The following GRAMD1C variants were observed in gnomAD, a reference collection of about 807,000 sequenced individuals.
The protein encoded by GRAMD1C is GRAM domain containing 1C, also known as protein Aster-C.
GRAMD1C carries 89 observed loss-of-function variants against 97.8 expected under a neutral mutation model. That is an observed-to-expected ratio of 0.91 (90% CI 0.77 to 1.09). The LOEUF is 1.09. GRAMD1C is among the 50% of genes least tolerant of loss of function. The pLI, the probability that GRAMD1C is intolerant of heterozygous loss-of-function variation, is 0.00. For synonymous variants in GRAMD1C, 256 were observed against 267.0 expected (o/e 0.96, Z 0.40); for missense variants, 740 against 766.4 (o/e 0.97, Z 0.41).
Position 113,838,902 on chromosome 3 carries a change from G to A in GRAMD1C, c.-8G>A. The A allele has an allele frequency of 8.1e-7, 1 of 1,232,090 alleles. No homozygotes were observed. The highest frequency in any genetic ancestry group is 4.1e-5 in the South Asian group (1 of 24,356). The allele number at this position is 1,232,090 out of a possible 1,614,324, so 76.3% of individuals were successfully genotyped here. ...CGGGGCGGTGCCGCGGCGGCGGAGGGAGCCGCGATGGAGGGCGCTCCGACT... is the reference window on the plus strand; with the variant it reads ...CGGGGCGGTGCCGCGGCGGCGGAGGAAGCCGCGATGGAGGGCGCTCCGACT... On this transcript the variant is annotated 5_prime_UTR_variant, in exon 1 of 18. Coordinates refer to ENST00000358160, the MANE Select transcript of GRAMD1C (RefSeq NM_017577.5).
intron 9 of GRAMD1C, among the ~76,000 whole-genome samples, chr3:113,909,932 A>G (rs1936506867): frequency 6.6e-6 from 1 of 152,228 alleles, no homozygotes; most frequent in Non-Finnish European, 1.5e-5. Context: ...AAGAGCATGG[A>G]AAGTTCATCA....
chr3:113,939,352 T>C (rs1273869556), intron 15 of GRAMD1C: 1 of 151,774 alleles, frequency 6.6e-6, no homozygotes, highest in Non-Finnish European at 1.5e-5. Context: ...TGATACTTCC[T>C]TTGTGCAAGA....
At chr3:113,862,251 G>A (rs1432599829) in intron 2 of GRAMD1C, among the ~76,000 whole-genome samples, 1 of 152,168 alleles carries the variant, frequency 6.6e-6, no homozygotes, top group Non-Finnish European at 1.5e-5. Context: ...AAGCCTAGGA[G>A]TGCCACGGGA....
At chr3:113,922,457 G>C (rs1039316301) in intron 10 of GRAMD1C, among the ~76,000 whole-genome samples, 1 of 152,164 alleles carries the variant, frequency 6.6e-6, no homozygotes, top group African/African-American at 2.4e-5. Context: ...TTTATATATG[G>C]TGTAAGGAAG....
At chr3:113,928,460 A>G (rs1221955565) in intron 10 of GRAMD1C, among the ~76,000 whole-genome samples, 1 of 152,248 alleles carries the variant, frequency 6.6e-6, no homozygotes, top group Non-Finnish European at 1.5e-5. Context: ...ATCAATTTTT[A>G]AATTATGGCA....
At chr3:113,904,051 T>A (rs1183662719) in intron 7 of GRAMD1C, 89 bp from the exon 8 acceptor site, 1 of 903,310 alleles carries the variant, frequency 1.1e-6, no homozygotes, top group South Asian at 1.7e-5. Context: ...CAAACTGTTT[T>A]ATCATAGGAA....
upstream of GRAMD1C, among the ~76,000 whole-genome samples, chr3:113,837,882 G>T (rs115081047): frequency 3.3e-5 from 5 of 152,252 alleles, no homozygotes; most frequent in African/African-American, 1.2e-4. Context: ...CACTCCAGCT[G>T]GTCTAATAGA....
chr3:113,880,597 C>G (rs1935218035), intron 5 of GRAMD1C, among the ~76,000 whole-genome samples: 1 of 152,116 alleles, frequency 6.6e-6, no homozygotes, highest in African/African-American at 2.4e-5. Flanking sequence ...AACAGCCTGA[C>G]CATGCCCTCT....
At chr3:113,854,174 T>C (rs920527977) in intron 2 of GRAMD1C, among the ~76,000 whole-genome samples, 18 of 151,692 alleles carry the variant, frequency 1.2e-4, no homozygotes, top group Admixed American at 1.2e-3. Context: ...TGGCGATGCA[T>C]GTTTGATATA....
chr3:113,864,306 G>T (rs920473308), intron 2 of GRAMD1C, among the ~76,000 whole-genome samples: 6 of 152,044 alleles, frequency 3.9e-5, no homozygotes, highest in Non-Finnish European at 8.8e-5. Flanking sequence ...TAAAGATGGG[G>T]TTTCCACATG....
intron 2 of GRAMD1C, among the ~76,000 whole-genome samples, chr3:113,853,360 A>G (rs1348381505): frequency 6.6e-6 from 1 of 152,222 alleles, no homozygotes; most frequent in Non-Finnish European, 1.5e-5. Flanking sequence ...ATGTAAAGGA[A>G]ATAGTAGAGA....
intron 5 of GRAMD1C, among the ~76,000 whole-genome samples, chr3:113,878,800 A>G (rs1045627220): frequency 1.3e-5 from 2 of 152,086 alleles, no homozygotes; most frequent in African/African-American, 4.8e-5. Flanking sequence ...TGTATAACCA[A>G]TCTTCATCTC....
At chr3:113,870,099 TG>T (rs1934736614) in intron 3 of GRAMD1C, among the ~76,000 whole-genome samples, 1 of 152,114 alleles carries the variant, frequency 6.6e-6, no homozygotes, top group African/African-American at 2.4e-5. Context: ...TGGTGACTCA[TG>T]CCTGTTATCC....
intron 3 of GRAMD1C, among the ~76,000 whole-genome samples, chr3:113,871,011 A>G (rs28627920): frequency 0.36 from 48,815 of 134,030 alleles, 8,648 homozygotes; most frequent in East Asian, 0.47. Context: ...ACACACACAC[A>G]CACACACACA....
intron 17 of GRAMD1C, among the ~76,000 whole-genome samples, chr3:113,944,363 T>C (rs985602769): frequency 6.6e-6 from 1 of 152,198 alleles, no homozygotes; most frequent in Non-Finnish European, 1.5e-5. Flanking sequence ...GGGATTCAGT[T>C]TGAACGTGAA....
intron 2 of GRAMD1C, among the ~76,000 whole-genome samples, chr3:113,852,926 C>T (rs563543824): frequency 1.3e-5 from 2 of 152,196 alleles, no homozygotes; most frequent in Non-Finnish European, 2.9e-5. Flanking sequence ...TATAATCCAT[C>T]TCTAACTGTA....
At chr3:113,862,351 A>C (rs1475296184) in intron 2 of GRAMD1C, among the ~76,000 whole-genome samples, 1 of 152,202 alleles carries the variant, frequency 6.6e-6, no homozygotes, top group Non-Finnish European at 1.5e-5. Flanking sequence ...TCAGGGACAC[A>C]TTCTCTTTCT....
chr3:113,926,115 A>G (rs2107357599), intron 10 of GRAMD1C, among the ~76,000 whole-genome samples: 1 of 152,194 alleles, frequency 6.6e-6, no homozygotes, highest in Middle Eastern at 3.4e-3. Flanking sequence ...AGGTTGGGGA[A>G]GTTTTTGTGG....
intron 10 of GRAMD1C, chr3:113,919,960 A>G (rs965528900): frequency 9.0e-6 from 6 of 668,064 alleles, no homozygotes; most frequent in Admixed American, 7.6e-5. Flanking sequence ...ATCAATTCCA[A>G]TGAGACTGTT....
Sources: allele counts gnomAD v4.1 joint callset (sites outside exome capture counted in the v4.1 genomes callset), GRCh38; gene constraint gnomAD v4.1.1; transcripts MANE v1.5; gene names NCBI Gene and HGNC (gene_info 2026-07-23, HGNC 2026-07-21).